The following OPCML variants were observed in gnomAD, a reference collection of about 807,000 sequenced individuals.
OPCML encodes opioid binding protein/cell adhesion molecule like.
Under a neutral mutation model 37.8 loss-of-function variants are expected in OPCML, and 13 were observed. The observed-to-expected ratio is 0.34, with a 90% CI of 0.22 to 0.55. The LOEUF (loss-of-function observed/expected upper bound fraction) is 0.55. Ranked by LOEUF, OPCML falls within the 20% of genes least tolerant of loss-of-function variation. The pLI is 0.91. For synonymous variants in OPCML, 176 were observed against 168.8 expected (o/e 1.04, Z -0.33); for missense variants, 341 against 435.6 (o/e 0.78, Z 1.93).
intron 3 of OPCML, among the ~76,000 whole-genome samples, chr11:132,599,224 T>C (rs1290421355): frequency 1.3e-5 from 2 of 152,090 alleles, no homozygotes; most frequent in African/African-American, 2.4e-5. Context: ...AGGTGGAGGT[T>C]GCAGTAAGCC....
chr11:133,292,130 T>G (rs1315283043), intron 1 of OPCML, among the ~76,000 whole-genome samples: 1 of 152,218 alleles, frequency 6.6e-6, no homozygotes, highest in African/African-American at 2.4e-5. Flanking sequence ...GACAGGCTTG[T>G]GTTCTGACAC....
At chr11:133,195,143 A>G (rs1938488351) in intron 1 of OPCML, among the ~76,000 whole-genome samples, 1 of 152,188 alleles carries the variant, frequency 6.6e-6, no homozygotes. Flanking sequence ...TACTTATTGA[A>G]TTCCATTGCT....
chr11:132,793,537 G>C (rs1938082709), intron 2 of OPCML, among the ~76,000 whole-genome samples: 1 of 152,144 alleles, frequency 6.6e-6, no homozygotes, highest in Non-Finnish European at 1.5e-5. Flanking sequence ...AAAGAGGCAG[G>C]ATTAGCACCA....
chr11:132,681,735 C>T (rs1286990837), intron 2 of OPCML, among the ~76,000 whole-genome samples: 7 of 152,060 alleles, frequency 4.6e-5, no homozygotes, highest in Non-Finnish European at 1.0e-4. Context: ...GTGGGCAGAT[C>T]ACGAGGTCAG....
rs181783201 is a variant in OPCML at position 133,207,520 on chromosome 11, A to G, written c.62-264510T>C. Among the ~76,000 whole-genome samples, 236 of 152,274 alleles carry G rather than the reference A, an allele frequency of 1.5e-3. 1 individual carries two copies. Among genetic ancestry groups the G allele is most frequent in the African/African-American group, 5.4e-3 (225 of 41,570 alleles). ...TTCAGATCTGCCTGTAGCTCTGCGGAGATCTCTGGACAATTCGCTCTGTCA... is the reference window on the plus strand; with the variant it reads ...TTCAGATCTGCCTGTAGCTCTGCGGGGATCTCTGGACAATTCGCTCTGTCA... On this transcript the variant is annotated intron_variant, in intron 1 of 7. Coordinates refer to ENST00000524381, the MANE Select transcript of OPCML (RefSeq NM_001012393.5).
intron 2 of OPCML, among the ~76,000 whole-genome samples, chr11:132,809,941 C>G (rs535386273): frequency 1.3e-5 from 2 of 152,296 alleles, no homozygotes; most frequent in South Asian, 4.1e-4. Context: ...GCTCCGCCTC[C>G]CGGGTTCACG....
intron 1 of OPCML, among the ~76,000 whole-genome samples, chr11:133,099,602 A>G (rs893649353): frequency 7.9e-5 from 12 of 151,848 alleles, no homozygotes; most frequent in African/African-American, 1.9e-4. Flanking sequence ...TTTTAATAAC[A>G]GCCATTCTGA....
chr11:133,153,821 A>T (rs1039106175), intron 1 of OPCML, among the ~76,000 whole-genome samples: 4 of 151,990 alleles, frequency 2.6e-5, no homozygotes, highest in Admixed American at 1.3e-4. Context: ...TTCTCAGACT[A>T]CCCCACAGAT....
intron 2 of OPCML, among the ~76,000 whole-genome samples, chr11:132,718,290 G>T (rs1057385689): frequency 6.6e-6 from 1 of 152,148 alleles, no homozygotes; most frequent in African/African-American, 2.4e-5. Flanking sequence ...AGGTGTTATG[G>T]TATCTGCAGC....
chr11:132,984,418 A>T (rs1946647194), intron 1 of OPCML, among the ~76,000 whole-genome samples: 1 of 152,256 alleles, frequency 6.6e-6, no homozygotes, highest in Admixed American at 6.5e-5. Flanking sequence ...TATCTGGCAC[A>T]CTGAATAAGA....
intron 3 of OPCML, among the ~76,000 whole-genome samples, chr11:132,643,872 T>C (rs576594788): frequency 1.3e-5 from 2 of 152,168 alleles, no homozygotes; most frequent in Non-Finnish European, 2.9e-5. Context: ...ACATATGAAA[T>C]CTACATCCTG....
chr11:133,088,809 G>A (rs1232079165), intron 1 of OPCML, among the ~76,000 whole-genome samples: 1 of 152,150 alleles, frequency 6.6e-6, no homozygotes, highest in African/African-American at 2.4e-5. Context: ...CTGAGAGGGG[G>A]GCAGGTTTGG....
At position 132,870,104 on chromosome 11, in the gene OPCML, A is replaced by G. The variant is rs981246639; in HGVS notation, c.146+72822T>C. Reference sequence around the variant, plus strand: ...CACGTGACCTCATTTCCGCAACTACATAACATAGATATTACTAATTCCAGT... The same window carrying G: ...CACGTGACCTCATTTCCGCAACTACGTAACATAGATATTACTAATTCCAGT... On this transcript the variant is annotated intron_variant, in intron 2 of 7. Transcript: ENST00000524381. 7.2e-5 allele frequency among the ~76,000 whole-genome samples: 11 copies of G among 152,304 alleles called. No individual in the cohort carries two copies. The South Asian group carries it at 1.9e-3, about 26-fold the overall frequency.
At position 132,848,588 on chromosome 11, in the gene OPCML, A is replaced by C. The variant is rs549629817; in HGVS notation, c.146+94338T>G. On this transcript the variant is annotated intron_variant, in intron 2 of 7. Transcript: ENST00000524381. ...TCCTACTTACCCATAATTTTTGTTAAAGCTAGAAAGGAAGAATTCATGACT... is the reference window on the plus strand; with the variant it reads ...TCCTACTTACCCATAATTTTTGTTACAGCTAGAAAGGAAGAATTCATGACT... 3.3e-5 allele frequency among the ~76,000 whole-genome samples: 5 copies of C among 152,358 alleles called. No individual in the cohort carries two copies. In the South Asian group the frequency reaches 1.0e-3, roughly 32 times the overall value.
At chr11:133,106,237 A>C (rs1949155350) in intron 1 of OPCML, among the ~76,000 whole-genome samples, 1 of 152,214 alleles carries the variant, frequency 6.6e-6, no homozygotes, top group South Asian at 2.1e-4. Flanking sequence ...TTGGAGGAAA[A>C]GAAGTTTTAT....
At chr11:132,430,741 C>T (rs2095993852) in intron 7 of OPCML, among the ~76,000 whole-genome samples, 1 of 152,176 alleles carries the variant, frequency 6.6e-6, no homozygotes, top group South Asian at 2.1e-4. Context: ...TTGTTTTTCT[C>T]TCTGCAGTCT....
chr11:133,506,838 C>T lies in OPCML; in HGVS notation c.61+25426G>A, dbSNP rs554630994. On this transcript the variant is annotated intron_variant, in intron 1 of 7. Coordinates refer to ENST00000524381, the MANE Select transcript of OPCML (RefSeq NM_001012393.5). ...GGGGCAGAAGGCAGGAGAACGCACT[C>T]GGTGCACGCCTTCAAAGCTGGCCCT... Among the ~76,000 whole-genome samples the T allele has an allele frequency of 2.0e-5, 3 of 152,316 alleles. No individual in the cohort carries two copies. In the South Asian group the frequency reaches 6.2e-4, roughly 32 times the overall value.
intron 2 of OPCML, among the ~76,000 whole-genome samples, chr11:132,935,382 C>T (rs779310537): frequency 2.9e-4 from 44 of 152,084 alleles, no homozygotes; most frequent in Non-Finnish European, 5.7e-4. Flanking sequence ...TTCTGTTATT[C>T]TTCATTGCTG....
At position 132,546,752 on chromosome 11, in the gene OPCML, T is replaced by C. The variant is rs139551226; in HGVS notation, c.380-17566A>G. ...ATAATTAGTACCTACAAAGTAGGAC[T>C]GTTGTGAGGATTAAATGAGTCAGTA... On this transcript the variant is annotated intron_variant, in intron 3 of 7. Transcript: ENST00000524381. Among the ~76,000 whole-genome samples, 55 of 152,348 alleles carry C rather than the reference T, an allele frequency of 3.6e-4. No homozygotes were observed. The South Asian group carries it at 7.5e-3, about 21-fold the overall frequency.
Sources: gnomAD v4.1 joint callset for allele counts (sites outside exome capture counted in the v4.1 genomes callset) on GRCh38, gnomAD v4.1.1 for gene constraint, MANE v1.5 for transcripts, NCBI Gene and HGNC (gene_info 2026-07-23, HGNC 2026-07-21) for gene names.